The following CNTNAP2 variants were observed in gnomAD, a reference collection of about 807,000 sequenced individuals.
CNTNAP2 encodes the protein contactin associated protein 2, also known as contactin-associated protein-like 2.
In CNTNAP2, 98 loss-of-function variants were observed where a neutral mutation model predicts 155.2. That is an observed-to-expected ratio of 0.63 (90% CI 0.54 to 0.75). The LOEUF (loss-of-function observed/expected upper bound fraction) is 0.75, where lower values mean the gene tolerates loss of function less well. CNTNAP2 is among the 30% of genes least tolerant of loss of function. The probability of loss-of-function intolerance (pLI) is 0.00; values close to 1 mark genes in which losing one functional copy is unlikely to be tolerated. For synonymous variants in CNTNAP2, 651 were observed against 631.2 expected (o/e 1.03, Z -0.47); for missense variants, 1,727 against 1,688.1 (o/e 1.02, Z -0.40).
chr7:146,802,628 A>AAAC (rs978186035), intron 2 of CNTNAP2, among the ~76,000 whole-genome samples: 12 of 152,034 alleles, frequency 7.9e-5, no homozygotes, highest in Admixed American at 7.2e-4. Context: ...CACCATGGTA[A>AAAC]AACACGCATG....
In CNTNAP2 at chr7:148,418,648, T is replaced by C. The variant is rs868538311; in HGVS notation, c.*3032T>C. On this transcript the variant is annotated 3_prime_UTR_variant, in exon 24 of 24. Transcript: ENST00000361727. ...AGCTCAAGAAAGCTGGTCCAGGAGG[T>C]TGAAAAAGCTATTTTGTTGTTAAAT... 6.6e-6 allele frequency: 1 copy of C among 152,218 alleles called. No homozygotes were observed. Among genetic ancestry groups the C allele is most frequent in the African/African-American group, 2.4e-5 (1 of 41,458 alleles). The allele number at this position is 152,218 out of a possible 1,614,324, so 9.4% of individuals were successfully genotyped here. A position where few individuals can be genotyped will look rare whatever the true frequency, so the allele number is the denominator to read the frequency against.
chr7:146,315,919 A>T (rs1384107122), intron 1 of CNTNAP2, among the ~76,000 whole-genome samples: 1 of 152,202 alleles, frequency 6.6e-6, no homozygotes, highest in Non-Finnish European at 1.5e-5. Flanking sequence ...AAAAGTGCTT[A>T]TAATTTGAGA....
At chr7:146,426,981 C>T (rs1584920247) in intron 1 of CNTNAP2, among the ~76,000 whole-genome samples, 1 of 151,942 alleles carries the variant, frequency 6.6e-6, no homozygotes, top group Non-Finnish European at 1.5e-5. Flanking sequence ...TAAATATATA[C>T]AATTTTACTT....
chr7:147,595,903 T>C (rs6464830), intron 12 of CNTNAP2, among the ~76,000 whole-genome samples: 103,852 of 152,060 alleles, frequency 0.68, 35,914 homozygotes, highest in African/African-American at 0.78. Flanking sequence ...AAGTTGGAGT[T>C]CCTGAGGCCT....
intron 9 of CNTNAP2, among the ~76,000 whole-genome samples, chr7:147,390,878 C>T (rs78992753): frequency 2.5e-4 from 38 of 152,130 alleles, no homozygotes; most frequent in African/African-American, 8.4e-4. Context: ...GGTGTTCACC[C>T]TACAGCCCAC....
At chr7:147,637,500 C>T (rs1795200162) in intron 12 of CNTNAP2, among the ~76,000 whole-genome samples, 1 of 152,142 alleles carries the variant, frequency 6.6e-6, no homozygotes, top group Admixed American at 6.5e-5. Flanking sequence ...CAATAAGTCT[C>T]TTTTAATCTA....
intron 9 of CNTNAP2, among the ~76,000 whole-genome samples, chr7:147,315,211 CT>C (rs1001656670): frequency 6.7e-6 from 1 of 149,018 alleles, no homozygotes; most frequent in East Asian, 2.0e-4. Context: ...AACAGATTTT[CT>C]TTTTTTCTTA....
At chr7:148,375,576 G>C (rs868398130) in intron 21 of CNTNAP2, among the ~76,000 whole-genome samples, 4 of 150,380 alleles carry the variant, frequency 2.7e-5, no homozygotes, top group Non-Finnish European at 4.4e-5. Flanking sequence ...GGCCAGGCTG[G>C]TCTCAAACTC....
chr7:147,533,599 TAAAA>T (rs72210500), intron 11 of CNTNAP2, among the ~76,000 whole-genome samples: 1 of 141,854 alleles, frequency 7.0e-6, no homozygotes, highest in East Asian at 2.0e-4. Context: ...AAGCTTTATT[TAAAA>T]AAAAAAAAAT....
chr7:148,035,199 C>T (rs1473267364), intron 15 of CNTNAP2, among the ~76,000 whole-genome samples: 1 of 152,156 alleles, frequency 6.6e-6, no homozygotes, highest in Non-Finnish European at 1.5e-5. Context: ...TAATGAACAG[C>T]CATGTAAAGG....
Position 147,717,302 on chromosome 7 carries a change from C to T in CNTNAP2, c.2098+77996C>T, listed in dbSNP as rs560155200. 5.9e-5 allele frequency among the ~76,000 whole-genome samples: 9 copies of T among 152,068 alleles called. No homozygotes were observed. In the South Asian group the frequency reaches 1.2e-3, roughly 21 times the overall value. Reference sequence around the variant, plus strand: ...TCTGCAGAAGGCACACACTAATTCCCGAGGCGCAGCATTGTAAGACTTAAC... The same window carrying T: ...TCTGCAGAAGGCACACACTAATTCCTGAGGCGCAGCATTGTAAGACTTAAC... On this transcript the variant is annotated intron_variant, in intron 13 of 23. Coordinates refer to ENST00000361727, the MANE Select transcript of CNTNAP2 (RefSeq NM_014141.6).
chr7:146,749,724 G>A (rs563560321), intron 1 of CNTNAP2, among the ~76,000 whole-genome samples: 5 of 152,270 alleles, frequency 3.3e-5, no homozygotes, highest in Non-Finnish European at 7.4e-5. Context: ...GAAATACTAA[G>A]TTTAAACAAA....
At chr7:146,292,550 C>T (rs958744018) in intron 1 of CNTNAP2, among the ~76,000 whole-genome samples, 1 of 152,000 alleles carries the variant, frequency 6.6e-6, no homozygotes, top group East Asian at 1.9e-4. Flanking sequence ...TTAGTACAAG[C>T]GTAATAGCAA....
At chr7:147,945,438 T>C (rs1800801372) in intron 14 of CNTNAP2, among the ~76,000 whole-genome samples, 1 of 152,196 alleles carries the variant, frequency 6.6e-6, no homozygotes, top group Non-Finnish European at 1.5e-5. Context: ...GTATCTGAAT[T>C]ATCCATCATT....
Position 146,297,169 on chromosome 7 carries a change from A to G in CNTNAP2, c.97+180196A>G, listed in dbSNP as rs17170030. 7.4e-4 allele frequency among the ~76,000 whole-genome samples: 113 copies of G among 152,266 alleles called. 8 individuals carry two copies. In the East Asian group the frequency reaches 0.021, roughly 28 times the overall value. ...TCATTTGTTCATTGTAACATTTCCC[A>G]ATACTTATAGATGATATATAGAAAA... On this transcript the variant is annotated intron_variant, in intron 1 of 23. Coordinates refer to ENST00000361727, the MANE Select transcript of CNTNAP2 (RefSeq NM_014141.6).
chr7:148,113,072 G>C (rs1337965753), intron 15 of CNTNAP2, among the ~76,000 whole-genome samples: 2 of 152,160 alleles, frequency 1.3e-5, no homozygotes, highest in Non-Finnish European at 2.9e-5. Flanking sequence ...AATGTGCTCA[G>C]AAAGCTTGAA....
At chr7:147,417,081 T>C (rs1216665331) in intron 10 of CNTNAP2, among the ~76,000 whole-genome samples, 1 of 121,536 alleles carries the variant, frequency 8.2e-6, no homozygotes, top group Non-Finnish European at 1.7e-5. Flanking sequence ...AGAGCAAGAC[T>C]CTGGTCTCAA....
chr7:147,560,609 G>A (rs934127287), intron 11 of CNTNAP2, among the ~76,000 whole-genome samples: 2 of 151,880 alleles, frequency 1.3e-5, no homozygotes, highest in African/African-American at 2.4e-5. Context: ...GTTTACAAAT[G>A]AGCAATACCA....
At chr7:147,218,238 G>A (rs1464249866) in intron 8 of CNTNAP2, among the ~76,000 whole-genome samples, 3 of 151,658 alleles carry the variant, frequency 2.0e-5, no homozygotes, top group African/African-American at 7.3e-5. Context: ...TTAGATAAAT[G>A]ACTTTAGATA....
Sources: gnomAD v4.1 joint callset for allele counts (sites outside exome capture counted in the v4.1 genomes callset) on GRCh38, gnomAD v4.1.1 for gene constraint, MANE v1.5 for transcripts, NCBI Gene and HGNC (gene_info 2026-07-23, HGNC 2026-07-21) for gene names.